The following BZW2 variants were observed in gnomAD, a reference collection of about 807,000 sequenced individuals.
BZW2 encodes basic leucine zipper and W2 domains 2, also known as eIF5-mimic protein 1.
Under a neutral mutation model 53.2 loss-of-function variants are expected in BZW2, and 23 were observed. The observed-to-expected ratio is 0.43, with a 90% CI of 0.31 to 0.61. The LOEUF (loss-of-function observed/expected upper bound fraction) is 0.61, where lower values mean the gene tolerates loss of function less well. Ranked by LOEUF, BZW2 falls within the 20% of genes least tolerant of loss-of-function variation. The pLI, the probability that BZW2 is intolerant of heterozygous loss-of-function variation, is 0.09. For missense variants in BZW2, 409 were observed against 503.1 expected, an observed-to-expected ratio of 0.81 and a Z score of 1.79; for synonymous variants, 227 against 186.4, an observed-to-expected ratio of 1.22 and a Z score of -1.77.
At chr7:16,682,532 A>AT (rs895490136) in intron 4 of BZW2, among the ~76,000 whole-genome samples, 10 of 151,058 alleles carry the variant, frequency 6.6e-5, no homozygotes, top group Non-Finnish European at 3.0e-5. Context: ...TTTTCGTCGA[A>AT]TTTTTTTTTC....
chr7:16,681,505 C>A, intron 4 of BZW2, 101 bp downstream of exon 4: 1 of 963,076 alleles, frequency 1.0e-6, no homozygotes, highest in Non-Finnish European at 1.5e-6. Flanking sequence ...TCTTAGAAAG[C>A]CTTTAAACTT....
At chr7:16,665,397 C>T in intron 1 of BZW2, 40 bp from the exon 2 acceptor site, 1 of 1,611,876 alleles carries the variant, frequency 6.2e-7, no homozygotes, top group South Asian at 1.1e-5. Flanking sequence ...ATATAAACTG[C>T]TTATCTGAAA....
At chr7:16,685,809 C>A in intron 5 of BZW2, 96 bp from the exon 6 acceptor site, 1 of 1,387,744 alleles carries the variant, frequency 7.2e-7, no homozygotes, top group Non-Finnish European at 9.5e-7. Context: ...TGGATGTTCA[C>A]AGTTTATCTT....
In BZW2 at chr7:16,698,014, A is replaced by G. The variant is rs150229532; in HGVS notation, c.970-34A>G. 88 of 1,612,780 alleles carry G rather than the reference A, an allele frequency of 5.5e-5. No individual in the cohort carries two copies. The African/African-American group carries it at 1.0e-3, about 19-fold the overall frequency. On this transcript the variant is annotated intron_variant, in intron 9 of 11. Transcript: ENST00000258761. ...AGTGTCGGCTCTGTACCTCCCACGC[A>G]AGTGACGGCTTTTACTCTCCACTTC... is the stretch of plus-strand genomic sequence containing the variant.
intron 5 of BZW2, among the ~76,000 whole-genome samples, chr7:16,683,344 G>T (rs2128362556): frequency 6.6e-6 from 1 of 152,310 alleles, no homozygotes; most frequent in Non-Finnish European, 1.5e-5. Flanking sequence ...GCTATAGGAA[G>T]AAATATGTGA....
In BZW2 at chr7:16,665,497, A is replaced by G. The variant is rs1782395455; in HGVS notation, c.54A>G (p.Lys18=). The G allele has an allele frequency of 1.2e-6, 2 of 1,612,544 alleles. No individual in the cohort carries two copies. The highest frequency in any genetic ancestry group is 1.7e-6 in the Non-Finnish European group (2 of 1,179,972). ...CAGGCCAGCGGTTCAAAACTCGGAA[A>G]AGGGGTAGGTTGTGTGTGTGTGTGT... The part of the protein sequence containing the change: ...VLTGQRFKTR[K]RDEKEKFEPT... Residue 18 remains lysine (K), a synonymous_variant, in exon 2 of 12, where the codon AAA becomes AAG. Coordinates refer to ENST00000258761, the MANE Select transcript of BZW2 (RefSeq NM_014038.3).
chr7:16,658,331 T>G (rs1023520653), intron 1 of BZW2, among the ~76,000 whole-genome samples: 1 of 152,248 alleles, frequency 6.6e-6, no homozygotes, highest in Admixed American at 6.5e-5. Flanking sequence ...GTTGCCTTAA[T>G]TTGTTTCTAC....
At chr7:16,655,623 T>G (rs1410838255) in intron 1 of BZW2, among the ~76,000 whole-genome samples, 2 of 152,182 alleles carry the variant, frequency 1.3e-5, no homozygotes, top group Non-Finnish European at 2.9e-5. Flanking sequence ...GAGCTTATTC[T>G]TCCTAACTGT....
At chr7:16,673,482 A>G (rs1206736043) in intron 2 of BZW2, among the ~76,000 whole-genome samples, 5 of 152,212 alleles carry the variant, frequency 3.3e-5, no homozygotes, top group Admixed American at 6.5e-5. Flanking sequence ...GCCAGGCATT[A>G]AAGAGAATTT....
intron 2 of BZW2, among the ~76,000 whole-genome samples, chr7:16,667,389 A>G (rs1040559031): frequency 1.3e-5 from 2 of 152,234 alleles, no homozygotes; most frequent in South Asian, 2.1e-4. Flanking sequence ...GAAGGGAATT[A>G]CTGAAAAATA....
rs34052310 is a variant in BZW2 at position 16,682,767 on chromosome 7, GT to G, written c.340-3del. On this transcript the variant is annotated splice_polypyrimidine_tract_variant and intron_variant, in intron 4 of 11. Transcript: ENST00000258761. ...TTGGTTGACCTAATATTTAATGGTT[GT>G]TTTTTTTTTAGGTCTTCAATAAACT... 2,516 of 1,311,056 alleles carry G rather than the reference GT, an allele frequency of 1.9e-3. 1 individual carries two copies. The highest frequency in any genetic ancestry group is 3.4e-3 in the South Asian group (236 of 69,168). 81.2% of individuals were successfully genotyped at this position (1,311,056 alleles called of 1,614,324 possible).
rs1196242056 is a variant in BZW2, at chr7:16,694,845, A to T, written c.663A>T (p.Pro221=). 1 of 1,513,162 alleles carries T rather than the reference A, an allele frequency of 6.6e-7. No individual in the cohort carries two copies. Among genetic ancestry groups the T allele is most frequent in the Non-Finnish European group, 9.0e-7 (1 of 1,111,260 alleles). 93.7% of individuals were successfully genotyped at this position (1,513,162 alleles called of 1,614,324 possible). A position where few individuals can be genotyped will look rare whatever the true frequency, so the allele number is the denominator to read the frequency against. ...TTTCCCTTTTTCAGGAACTCTTTCC[A>T]GTTAACAGACAGAGTGTGGATCATT... The part of the protein sequence containing the change: ...NLDKRLLELF[P]VNRQSVDHFA... The change falls in exon 8 of 12, where the codon CCA becomes CCT. Residue 221 remains proline, a synonymous_variant. Transcript: ENST00000258761.
chr7:16,662,531 T>C (rs1388048270), intron 1 of BZW2, among the ~76,000 whole-genome samples: 2 of 152,168 alleles, frequency 1.3e-5, no homozygotes, highest in Non-Finnish European at 2.9e-5. Context: ...TGCAAAGAGT[T>C]AATTAGGGAA....
At chr7:16,694,574 G>A (rs761979319) in intron 7 of BZW2, among the ~76,000 whole-genome samples, 5 of 152,090 alleles carry the variant, frequency 3.3e-5, no homozygotes. Flanking sequence ...CTCTTTAAAA[G>A]CCTCATCTCT....
In BZW2 at chr7:16,666,419, T is replaced by TTATC. The variant is rs745428931; in HGVS notation, c.58+920_58+921insTCTA. Among the ~76,000 whole-genome samples the TTATC allele has an allele frequency of 1.3e-3, 197 of 151,020 alleles. 1 individual carries two copies. The highest frequency in any genetic ancestry group is 0.01 in the Middle Eastern group (3 of 294). On this transcript the variant is annotated intron_variant, in intron 2 of 11. Transcript: ENST00000258761. Reference sequence around the variant, plus strand: ...TTTATTTATTTATTTATTTATTTATTTAGAGACGGAGTCTTGCTCCGTCGT... The same window carrying TTATC: ...TTTATTTATTTATTTATTTATTTATTTATCTAGAGACGGAGTCTTGCTCCGTCGT...
At chr7:16,656,095 G>T (rs1349915029) in intron 1 of BZW2, among the ~76,000 whole-genome samples, 1 of 150,394 alleles carries the variant, frequency 6.6e-6, no homozygotes, top group South Asian at 2.1e-4. Flanking sequence ...GTGTGTGTGT[G>T]TATGTATATA....
intron 3 of BZW2, among the ~76,000 whole-genome samples, chr7:16,680,686 G>A (rs1212940911): frequency 6.6e-6 from 1 of 151,456 alleles, no homozygotes. Context: ...ACACACCTGT[G>A]GTCCTAGCTA....
At chr7:16,674,268 A>T in intron 2 of BZW2, 144 bp from the exon 3 acceptor site, 1 of 559,908 alleles carries the variant, frequency 1.8e-6, no homozygotes, top group Non-Finnish European at 3.0e-6. Flanking sequence ...GTTTGTTTAT[A>T]TTTGTATATT....
chr7:16,646,198 C>CGCCACTGCTGCTGCTGCTGCTGCT lies in BZW2; in HGVS notation c.-94_-71dup. On this transcript the variant is annotated 5_prime_UTR_variant, in exon 1 of 12. Transcript: ENST00000258761. Reference sequence around the variant, plus strand: ...TGTCCTTCACTCCTCCATTGTCTGCCGCCACTGCTGCTGCTGCTGCTGCTG... The same window carrying CGCCACTGCTGCTGCTGCTGCTGCT: ...TGTCCTTCACTCCTCCATTGTCTGCCGCCACTGCTGCTGCTGCTGCTGCTGCCACTGCTGCTGCTGCTGCTGCTG... 1.2e-5 allele frequency: 4 copies of CGCCACTGCTGCTGCTGCTGCTGCT among 338,526 alleles called. No individual in the cohort carries two copies. Among genetic ancestry groups the CGCCACTGCTGCTGCTGCTGCTGCT allele is most frequent in the Middle Eastern group, 7.5e-4 (1 of 1,326 alleles). The allele number at this position is 338,526 out of a possible 1,614,324, so 21.0% of individuals were successfully genotyped here. A position where few individuals can be genotyped will look rare whatever the true frequency, so the allele number is the denominator to read the frequency against.
Sources: gnomAD v4.1 joint callset for allele counts (sites outside exome capture counted in the v4.1 genomes callset) on GRCh38, gnomAD v4.1.1 for gene constraint, MANE v1.5 for transcripts, NCBI Gene and HGNC (gene_info 2026-07-23, HGNC 2026-07-21) for gene names.